Variants in HIC2 observed in about 807,000 individuals in gnomAD.
HIC2 encodes hypermethylated in cancer 2 protein.
HIC2 carries 2 observed loss-of-function variants against 39.5 expected under a neutral mutation model. The observed-to-expected ratio is 0.05, with a 90% CI of 0.02 to 0.16. The LOEUF (loss-of-function observed/expected upper bound fraction) is 0.16. HIC2 is among the 10% of genes least tolerant of loss of function. The pLI is 1.00. For synonymous variants in HIC2, 399 were observed against 368.8 expected, an observed-to-expected ratio of 1.08 and a Z score of -0.94; for missense variants, 713 against 863.5, an observed-to-expected ratio of 0.83 and a Z score of 2.18.
Position 21,445,477 on chromosome 22 carries a change from CA to C in HIC2, c.585del (p.Gly196AlafsTer78). 2 of 1,562,370 alleles carry C rather than the reference CA, an allele frequency of 1.3e-6. No homozygotes were observed. The highest frequency in any genetic ancestry group is 8.6e-7 in the Non-Finnish European group (1 of 1,159,064). On this transcript the variant is annotated frameshift_variant, in exon 3 of 3. Transcript: ENST00000407464. LOFTEE classifies it high-confidence loss of function. ...ACGCCCCCCAGGAGCTCCCCCAAGC[CA>C]AAGGCTCAGACGATGAACTCTTTCT... ...AHAPQELPQA[K>X]GSDDELFLGG...
At position 21,444,708 on chromosome 22, in the gene HIC2, T is replaced by A. The variant is rs772679540; in HGVS notation, c.27-214T>A. Among the ~76,000 whole-genome samples, 5 of 152,216 alleles carry A rather than the reference T, an allele frequency of 3.3e-5. No individual in the cohort carries two copies. In the East Asian group the frequency reaches 7.7e-4, roughly 23 times the overall value. On this transcript the variant is annotated intron_variant, in intron 2 of 2. Transcript: ENST00000407464. ...CAAATGGGGCAGGGGCCTCTGTCCC[T>A]TCTCAGTTTGAGTCCTCAGTGAGGT...
Position 21,445,465 on chromosome 22 carries a change from G to A in HIC2, c.570G>A (p.Glu190=). The A allele has an allele frequency of 6.5e-7, 1 of 1,546,134 alleles. No homozygotes were observed. Among genetic ancestry groups the A allele is most frequent in the Non-Finnish European group, 8.7e-7 (1 of 1,152,506 alleles). The change falls in exon 3 of 3, where the codon GAG becomes GAA. Residue 190 remains glutamate, a synonymous_variant. Coordinates refer to ENST00000407464, the MANE Select transcript of HIC2 (RefSeq NM_015094.3). ...DGRKGAHAPQ[E]LPQAKGSDDE... The stretch of plus-strand genomic sequence containing the variant: ...GCAAGGGGGCCCACGCCCCCCAGGA[G>A]CTCCCCCAAGCCAAAGGCTCAGACG...
chr22:21,444,605 G>A (rs934055184), intron 2 of HIC2, among the ~76,000 whole-genome samples: 13 of 152,164 alleles, frequency 8.5e-5, no homozygotes, highest in Admixed American at 1.3e-4. Flanking sequence ...ACAGTAGCCC[G>A]GGCTGTGAAA....
chr22:21,418,764 TGGAGG>T (rs1047454589), intron 1 of HIC2, among the ~76,000 whole-genome samples: 9 of 7,794 alleles, frequency 1.2e-3, no homozygotes, highest in African/African-American at 5.2e-3. Flanking sequence ...TGGCAGGTAG[TGGAGG>T]GGCCTTGGGA....
intron 2 of HIC2, 99 bp from the exon 3 acceptor site, chr22:21,444,823 G>A (rs1923708359): frequency 2.2e-6 from 3 of 1,390,790 alleles, no homozygotes; most frequent in Non-Finnish European, 2.9e-6. Flanking sequence ...TGTGGGGTCA[G>A]TTCTGAGGCC....
intron 1 of HIC2, among the ~76,000 whole-genome samples, chr22:21,425,449 A>G (rs1367412362): frequency 4.0e-5 from 6 of 148,710 alleles, no homozygotes; most frequent in Admixed American, 2.0e-4. Context: ...GTTCACTGCA[A>G]CCTCCACCTC....
At position 21,448,672 on chromosome 22, in the gene HIC2, T is replaced by G. The variant is rs3747086; in HGVS notation, c.*1929T>G. ...TCAGGGACCCAAGTGGTGAGCGGCGTCTTTTGGGGGTGAGGGAGCTTGGGT... is the reference window on the plus strand; with the variant it reads ...TCAGGGACCCAAGTGGTGAGCGGCGGCTTTTGGGGGTGAGGGAGCTTGGGT... On this transcript the variant is annotated 3_prime_UTR_variant, in exon 3 of 3. Coordinates refer to ENST00000407464, the MANE Select transcript of HIC2 (RefSeq NM_015094.3). 0.24 allele frequency: 36,729 copies of G among 152,192 alleles called. 5,166 individuals are homozygous for G. The highest frequency in any genetic ancestry group is 0.43 in the East Asian group (2,274 of 5,282). The allele number at this position is 152,192 out of a possible 1,614,324, so 9.4% of individuals were successfully genotyped here.
rs181000051 is a variant in HIC2, at chr22:21,449,382, T to C, written c.*2639T>C. Reference sequence around the variant, plus strand: ...TTTCAGAGAAACAGGAATCAGAAAATAGCAGATATCATGTAGGAAAGAGAG... The same window carrying C: ...TTTCAGAGAAACAGGAATCAGAAAACAGCAGATATCATGTAGGAAAGAGAG... On this transcript the variant is annotated 3_prime_UTR_variant, in exon 3 of 3. Transcript: ENST00000407464. 4 of 151,256 alleles carry C rather than the reference T, an allele frequency of 2.6e-5. No homozygotes were observed. In the Admixed American group the frequency reaches 2.7e-4, roughly 10 times the overall value. The allele number at this position is 151,256 out of a possible 1,614,324, so 9.4% of individuals were successfully genotyped here. A position where few individuals can be genotyped will look rare whatever the true frequency, so the allele number is the denominator to read the frequency against.
Position 21,450,783 on chromosome 22 carries a change from C to T in HIC2, c.*4040C>T, listed in dbSNP as rs550622982. 4 of 152,824 alleles carry T rather than the reference C, an allele frequency of 2.6e-5. No homozygotes were observed. The highest frequency in any genetic ancestry group is 2.1e-4 in the South Asian group (1 of 4,822). The allele number at this position is 152,824 out of a possible 1,614,324, so 9.5% of individuals were successfully genotyped here. The stretch of plus-strand genomic sequence containing the variant: ...ACTGGAGCCTCAGTCTGACATTCCA[C>T]GCCGGGGTGGGGGTGGGCATGAGCG... On this transcript the variant is annotated 3_prime_UTR_variant, in exon 3 of 3. Transcript: ENST00000407464.
chr22:21,418,071 C>G (rs1274562548), intron 1 of HIC2, among the ~76,000 whole-genome samples: 1 of 140,576 alleles, frequency 7.1e-6, no homozygotes, highest in Non-Finnish European at 1.5e-5. Flanking sequence ...CTCCTCCCCG[C>G]GGGAAGACTG....
At chr22:21,444,595 A>T (rs1923698085) in intron 2 of HIC2, among the ~76,000 whole-genome samples, 1 of 152,120 alleles carries the variant, frequency 6.6e-6, no homozygotes, top group African/African-American at 2.4e-5. Context: ...TAGTGTAGAG[A>T]CAGTAGCCCG....
chr22:21,444,506 G>A (rs1023367697), intron 2 of HIC2, among the ~76,000 whole-genome samples: 2 of 152,356 alleles, frequency 1.3e-5, no homozygotes, highest in African/African-American at 2.4e-5. Flanking sequence ...CTCCTCTCAC[G>A]GAGTCCTCTG....
Position 21,446,804 on chromosome 22 carries a change from A to C in HIC2, c.*61A>C. The C allele has an allele frequency of 6.5e-7, 1 of 1,550,058 alleles. No homozygotes were observed. Among genetic ancestry groups the C allele is most frequent in the Non-Finnish European group, 8.7e-7 (1 of 1,147,436 alleles). On this transcript the variant is annotated 3_prime_UTR_variant, in exon 3 of 3. Coordinates refer to ENST00000407464, the MANE Select transcript of HIC2 (RefSeq NM_015094.3). ...CTCCCCGGGAACCCATGGAAGGAGAAGCGAGGTGATGCAGCAGCAGGGGCA... is the reference window on the plus strand; with the variant it reads ...CTCCCCGGGAACCCATGGAAGGAGACGCGAGGTGATGCAGCAGCAGGGGCA...
At position 21,445,096 on chromosome 22, in the gene HIC2, C is replaced by T. The variant is rs1438877072; in HGVS notation, c.201C>T (p.Ser67=). ...FRAHKNVLAA[S]SIYFKSLVLH... is the part of the protein sequence containing the mutation. ...CCCACAAGAACGTCCTAGCCGCCAG[C>T]AGCATCTATTTCAAGTCCCTGGTCC... The change falls in exon 3 of 3, where the codon AGC becomes AGT. Residue 67 remains serine, a synonymous_variant. Transcript: ENST00000407464. The T allele has an allele frequency of 6.2e-7, 1 of 1,614,212 alleles. No homozygotes were observed. Among genetic ancestry groups the T allele is most frequent in the African/African-American group, 1.3e-5 (1 of 75,052 alleles).
At chr22:21,435,592 CTCTGTGGCTG>C (rs1281675579) in intron 1 of HIC2, among the ~76,000 whole-genome samples, 12 of 97,234 alleles carry the variant, frequency 1.2e-4, no homozygotes, top group African/African-American at 5.0e-4. Context: ...TGGGCTCCTG[CTCTGTGGCTG>C]TCAGCGAGCC....
chr22:21,446,211 A>T lies in HIC2; in HGVS notation c.1316A>T (p.Asp439Val). The T allele has an allele frequency of 6.2e-7, 1 of 1,612,156 alleles. No individual in the cohort carries two copies. Among genetic ancestry groups the T allele is most frequent in the Non-Finnish European group, 8.5e-7 (1 of 1,180,000 alleles). ...QEGYETVSYG[D>V]NLYVCIPCAK... ...GGCTACGAGACGGTGTCCTACGGGGACAACTTGTATGTGTGCATTCCCTGC... is the reference window on the plus strand; with the variant it reads ...GGCTACGAGACGGTGTCCTACGGGGTCAACTTGTATGTGTGCATTCCCTGC... Residue 439 changes from aspartate to valine, a missense_variant, in exon 3 of 3, where the codon GAC (aspartate) becomes GTC (valine). Asp to Val is a radical substitution (Grantham distance 152). This residue lies in a region of HIC2 where 457 missense variants were observed against 420.2 expected (regional missense o/e 1.09). Coordinates refer to ENST00000407464, the MANE Select transcript of HIC2 (RefSeq NM_015094.3).
At chr22:21,443,358 G>T (rs1266585182) in intron 2 of HIC2, among the ~76,000 whole-genome samples, 1 of 152,200 alleles carries the variant, frequency 6.6e-6, no homozygotes, top group Non-Finnish European at 1.5e-5. Flanking sequence ...CACCTTCAGG[G>T]GCCTGTGAAT....
chr22:21,450,199 G>A lies in HIC2; in HGVS notation c.*3456G>A, dbSNP rs41282589. 1.5e-3 allele frequency: 226 copies of A among 151,740 alleles called. 1 individual carries two copies. The highest frequency in any genetic ancestry group is 3.4e-3 in the Middle Eastern group (1 of 290). The allele number at this position is 151,740 out of a possible 1,614,324, so 9.4% of individuals were successfully genotyped here. A position where few individuals can be genotyped will look rare whatever the true frequency, so the allele number is the denominator to read the frequency against. On this transcript the variant is annotated 3_prime_UTR_variant, in exon 3 of 3. Transcript: ENST00000407464. The stretch of plus-strand genomic sequence containing the variant: ...CGCCACTGCATGCTCCCGCCGGACC[G>A]AGCCCCAGCAAGGGCTCCTCCAGGA...
chr22:21,443,194 T>TC (rs1923614581), intron 2 of HIC2, among the ~76,000 whole-genome samples: 1 of 151,962 alleles, frequency 6.6e-6, no homozygotes, highest in African/African-American at 2.4e-5. Flanking sequence ...GTTCACGAAG[T>TC]CTCCAGCCCA....
Sources: gnomAD v4.1 joint callset for allele counts (sites outside exome capture counted in the v4.1 genomes callset) on GRCh38, gnomAD v4.1.1 for gene constraint, gnomAD v4.1.1 regional missense constraint, MANE v1.5 for transcripts, NCBI Gene and HGNC (gene_info 2026-07-23, HGNC 2026-07-21) for gene names.